BTBD8: variants seen among roughly 807,000 people sequenced by gnomAD.
BTBD8 encodes the protein BTB/POZ domain-containing protein 8.
Under a neutral mutation model 162.9 loss-of-function variants are expected in BTBD8, and 110 were observed. That is an observed-to-expected ratio of 0.68 (90% CI 0.58 to 0.79). The LOEUF is 0.79. Among genes scored for constraint, BTBD8 ranks in the 30% least tolerant of loss-of-function variants. The probability of loss-of-function intolerance (pLI) is 0.00; values close to 1 mark genes in which losing one functional copy is unlikely to be tolerated. For missense variants in BTBD8, 1,905 were observed against 2,085.4 expected (o/e 0.91, Z 1.68); for synonymous variants, 667 against 716.1 (o/e 0.93, Z 1.10).
intron 9 of BTBD8, among the ~76,000 whole-genome samples, chr1:92,158,173 G>A (rs1650203787): frequency 3.9e-5 from 6 of 151,928 alleles, no homozygotes; most frequent in Admixed American, 3.9e-4. Flanking sequence ...ATTGGATCTT[G>A]TTTTTTAATC....
In BTBD8 at chr1:92,178,438, T is replaced by G; in HGVS notation, c.2568T>G (p.Leu856=). 1 of 1,548,258 alleles carries G rather than the reference T, an allele frequency of 6.5e-7. No individual in the cohort carries two copies. The highest frequency in any genetic ancestry group is 8.7e-7 in the Non-Finnish European group (1 of 1,145,718). The part of the protein sequence containing the change: ...QQRTKSTPSN[L]TKTQGSQGES... ...GGACAAAGAGTACCCCATCTAATCT[T>G]ACTAAAACTCAAGGTAAAGCTGAAA... Residue 856 remains leucine (L), a synonymous_variant, in exon 16 of 18, where the codon CTT becomes CTG. Coordinates refer to ENST00000636805, the MANE Select transcript of BTBD8 (RefSeq NM_001376131.1).
At chr1:92,126,253 AAG>A in intron 4 of BTBD8, 2 of 589,128 alleles carry the variant, frequency 3.4e-6, no homozygotes, top group South Asian at 2.8e-5. Flanking sequence ...TAAGAAAATG[AAG>A]AGTTTGTTGA....
Position 92,088,805 on chromosome 1 carries a change from A to T in BTBD8, c.257A>T (p.His86Leu), listed in dbSNP as rs754676475. 1 of 1,613,354 alleles carries T rather than the reference A, an allele frequency of 6.2e-7. No individual in the cohort carries two copies. The highest frequency in any genetic ancestry group is 8.5e-7 in the Non-Finnish European group (1 of 1,179,532). Residue 86 changes from histidine (H) to leucine (L), a missense_variant, in exon 2 of 18, where the codon CAT becomes CTT. Around this residue, in one of 3 missense-constraint regions of BTBD8, gnomAD observed 1,374 missense variants for 1,442.7 expected, o/e 0.95. Transcript: ENST00000636805. ...GCAAGAGTTCCTGACTTCTATTTTC[A>T]TACTATTGGACAGACATCAAATAGT... ...LLARVPDFYFHTIGQTSNSLT... is the reference protein window; with the variant it reads ...LLARVPDFYFLTIGQTSNSLT...
chr1:92,140,336 C>A (rs1649747922), intron 6 of BTBD8, among the ~76,000 whole-genome samples: 1 of 152,020 alleles, frequency 6.6e-6, no homozygotes, highest in Non-Finnish European at 1.5e-5. Context: ...TAGTGAAATA[C>A]CATCTAAGCC....
At chr1:92,151,151 G>A (rs1650034084) in intron 9 of BTBD8, among the ~76,000 whole-genome samples, 1 of 151,554 alleles carries the variant, frequency 6.6e-6, no homozygotes, top group Non-Finnish European at 1.5e-5. Flanking sequence ...TCTGGAGTTC[G>A]AGACCACCTT....
intron 5 of BTBD8, among the ~76,000 whole-genome samples, chr1:92,132,028 T>C (rs1249483921): frequency 6.6e-6 from 1 of 152,162 alleles, no homozygotes; most frequent in East Asian, 1.9e-4. Context: ...ATTTGTCAAA[T>C]CATAATTCAG....
chr1:92,130,709 T>G (rs975588124), intron 5 of BTBD8, among the ~76,000 whole-genome samples: 1 of 152,180 alleles, frequency 6.6e-6, no homozygotes, highest in Non-Finnish European at 1.5e-5. Context: ...TTTTTTTGTT[T>G]GTTTTTTGAG....
intron 5 of BTBD8, among the ~76,000 whole-genome samples, chr1:92,132,611 T>G (rs1409178710): frequency 6.6e-6 from 1 of 152,188 alleles, no homozygotes; most frequent in African/African-American, 2.4e-5. Flanking sequence ...GTAGCCCAGT[T>G]AGTTTCAAAA....
intron 2 of BTBD8, among the ~76,000 whole-genome samples, chr1:92,095,882 A>G (rs749622069): frequency 4.6e-5 from 7 of 151,778 alleles, no homozygotes; most frequent in Non-Finnish European, 8.8e-5. Flanking sequence ...TTACTCTCTA[A>G]CTTCTACCTC....
intron 10 of BTBD8, 25 bp downstream of exon 10, chr1:92,167,165 T>C: frequency 6.5e-7 from 1 of 1,546,378 alleles, no homozygotes; most frequent in Non-Finnish European, 8.7e-7. Flanking sequence ...TTATATCCTA[T>C]ATTTAGTTCC....
chr1:92,152,017 C>A (rs1650057026), intron 9 of BTBD8, among the ~76,000 whole-genome samples: 1 of 152,038 alleles, frequency 6.6e-6, no homozygotes. Context: ...TAGCATAAGA[C>A]AGGTACTGTT....
rs560780145 is a variant in BTBD8 at position 92,179,823 on chromosome 1, C to G, written c.2582-442C>G. Among the ~76,000 whole-genome samples, 71 of 152,192 alleles carry G rather than the reference C, an allele frequency of 4.7e-4. 1 individual carries two copies. The highest frequency in any genetic ancestry group is 9.6e-4 in the East Asian group (5 of 5,192). On this transcript the variant is annotated intron_variant, in intron 16 of 17. Coordinates refer to ENST00000636805, the MANE Select transcript of BTBD8 (RefSeq NM_001376131.1). ...AACAACTGCAACAATTTTAACAGTT[C>G]TATTTATTTTATATTTAGCTTGATT...
At chr1:92,108,681 A>G (rs560624356) in intron 4 of BTBD8, among the ~76,000 whole-genome samples, 45 of 152,266 alleles carry the variant, frequency 3.0e-4, no homozygotes, top group Admixed American at 1.0e-3. Context: ...AAAAAAATTT[A>G]ATAAGAAATA....
At chr1:92,083,342 C>G (rs897023126) in intron 1 of BTBD8, among the ~76,000 whole-genome samples, 2 of 152,080 alleles carry the variant, frequency 1.3e-5, no homozygotes, top group Admixed American at 1.3e-4. Flanking sequence ...CATAGATTTG[C>G]TTAAGAATGC....
intron 3 of BTBD8, among the ~76,000 whole-genome samples, chr1:92,106,332 T>C (rs2101906107): frequency 6.6e-6 from 1 of 152,166 alleles, no homozygotes; most frequent in South Asian, 2.1e-4. Context: ...GGGATGCTAC[T>C]ATCATGACTA....
At chr1:92,154,611 A>G (rs1021639964) in intron 9 of BTBD8, among the ~76,000 whole-genome samples, 5 of 152,182 alleles carry the variant, frequency 3.3e-5, no homozygotes, top group Admixed American at 1.3e-4. Context: ...TCAAGTCTTC[A>G]GCCAATTTTT....
intron 5 of BTBD8, among the ~76,000 whole-genome samples, chr1:92,135,172 C>G (rs1649605001): frequency 6.6e-6 from 1 of 151,954 alleles, no homozygotes; most frequent in Non-Finnish European, 1.5e-5. Flanking sequence ...TAGGCGTGAG[C>G]CACTGTGCCC....
intron 1 of BTBD8, among the ~76,000 whole-genome samples, chr1:92,081,305 A>G (rs1648007128): frequency 6.6e-6 from 1 of 152,206 alleles, no homozygotes; most frequent in Non-Finnish European, 1.5e-5. Flanking sequence ...TCTTCCTGAC[A>G]TTTAACCTTT....
chr1:92,171,499 T>A, intron 13 of BTBD8, 39 bp downstream of exon 13: 1 of 1,198,950 alleles, frequency 8.3e-7, no homozygotes, highest in Non-Finnish European at 1.1e-6. Flanking sequence ...ATGAAAAAGA[T>A]AACAAATTAT....
Sources: allele counts gnomAD v4.1 joint callset (sites outside exome capture counted in the v4.1 genomes callset), GRCh38; gene constraint gnomAD v4.1.1; regional missense constraint gnomAD v4.1.1; transcripts MANE v1.5; gene names NCBI Gene and HGNC (gene_info 2026-07-23, HGNC 2026-07-21).